SLC39A11: variants seen among roughly 807,000 people sequenced by gnomAD.
SLC39A11 encodes the protein solute carrier family 39 member 11.
In SLC39A11, 33 loss-of-function variants were observed where a neutral mutation model predicts 36.1. The ratio of observed to expected loss-of-function variants is 0.91; its 90% confidence interval spans 0.69 to 1.22. The LOEUF (loss-of-function observed/expected upper bound fraction) is 1.22. Ranked by LOEUF, SLC39A11 falls within the 50% of genes most tolerant of loss-of-function variation. The probability of loss-of-function intolerance (pLI) is 0.00; values close to 1 mark genes in which losing one functional copy is unlikely to be tolerated. For synonymous variants in SLC39A11, 166 were observed against 170.3 expected, an observed-to-expected ratio of 0.97 and a Z score of 0.20; for missense variants, 432 against 430.3, an observed-to-expected ratio of 1.00 and a Z score of -0.03.
At chr17:72,997,895 G>A (rs561323931) in intron 4 of SLC39A11, among the ~76,000 whole-genome samples, 205 of 152,244 alleles carry the variant, frequency 1.3e-3, no homozygotes, top group African/African-American at 4.7e-3. Context: ...AGTGATGCTG[G>A]GAATTTGAAT....
At chr17:72,936,864 C>G (rs2084804824) in intron 5 of SLC39A11, among the ~76,000 whole-genome samples, 1 of 152,190 alleles carries the variant, frequency 6.6e-6, no homozygotes, top group Non-Finnish European at 1.5e-5. Context: ...CAACAGGGTT[C>G]TCGCTCCTGT....
chr17:72,708,519 T>G (rs2072984753), intron 7 of SLC39A11, among the ~76,000 whole-genome samples: 1 of 152,182 alleles, frequency 6.6e-6, no homozygotes. Flanking sequence ...ATTGGTTCTG[T>G]CTCTCCAGAG....
At chr17:72,835,225 A>G (rs72847926) in intron 6 of SLC39A11, among the ~76,000 whole-genome samples, 5,814 of 152,314 alleles carry the variant, frequency 0.038, 160 homozygotes, top group Non-Finnish European at 0.061. Flanking sequence ...GAATATTACA[A>G]TGTTTTCAAA....
Position 73,037,142 on chromosome 17 carries a change from T to C in SLC39A11, c.148-5428A>G, listed in dbSNP as rs141585311. 2.0e-3 allele frequency among the ~76,000 whole-genome samples: 311 copies of C among 152,376 alleles called. 1 individual carries two copies. Among genetic ancestry groups the C allele is most frequent in the African/African-American group, 6.9e-3 (288 of 41,590 alleles). ...TCTGTTCACCTATTGAAGGACTTTT[T>C]GGTTGCTTCTGAGTTTTGTCGATTA... On this transcript the variant is annotated intron_variant, in intron 3 of 9. Coordinates refer to ENST00000255559, the MANE Select transcript of SLC39A11 (RefSeq NM_139177.4).
At chr17:72,792,095 C>T (rs944088870) in intron 6 of SLC39A11, among the ~76,000 whole-genome samples, 1 of 152,184 alleles carries the variant, frequency 6.6e-6, no homozygotes, top group Admixed American at 6.5e-5. Context: ...GTGAGGGAGA[C>T]ATCCCTCACC....
chr17:72,994,095 G>C (rs1484236959), intron 4 of SLC39A11, among the ~76,000 whole-genome samples: 1 of 152,132 alleles, frequency 6.6e-6, no homozygotes, highest in Non-Finnish European at 1.5e-5. Context: ...TGCCACGCCT[G>C]GCCTGGTTTC....
chr17:73,020,680 CTTT>C (rs71154945), intron 4 of SLC39A11, among the ~76,000 whole-genome samples: 1 of 98,890 alleles, frequency 1.0e-5, no homozygotes, highest in Admixed American at 1.4e-4. Flanking sequence ...TTGTTTCTTT[CTTT>C]TTTTTTTTTT....
intron 6 of SLC39A11, among the ~76,000 whole-genome samples, chr17:72,810,233 A>T (rs978085186): frequency 1.3e-5 from 2 of 152,172 alleles, no homozygotes; most frequent in Non-Finnish European, 1.5e-5. Context: ...CTATGACCCA[A>T]CAATTCTACC....
chr17:72,803,190 G>A (rs936639394), intron 6 of SLC39A11, among the ~76,000 whole-genome samples: 1 of 152,232 alleles, frequency 6.6e-6, no homozygotes, highest in East Asian at 1.9e-4. Context: ...CTCGCCTCCT[G>A]CCCTTGTTGT....
chr17:72,968,208 G>A (rs1176246559), intron 4 of SLC39A11, among the ~76,000 whole-genome samples: 1 of 152,184 alleles, frequency 6.6e-6, no homozygotes, highest in African/African-American at 2.4e-5. Context: ...AAAGCAGGAA[G>A]GGAAGACATC....
intron 4 of SLC39A11, among the ~76,000 whole-genome samples, chr17:73,001,839 G>A (rs1192863295): frequency 6.6e-6 from 1 of 152,182 alleles, no homozygotes; most frequent in Non-Finnish European, 1.5e-5. Context: ...GTCCTGCAGA[G>A]AGGCTGTACC....
At chr17:72,699,075 C>T (rs1448322976) in intron 7 of SLC39A11, among the ~76,000 whole-genome samples, 4 of 152,050 alleles carry the variant, frequency 2.6e-5, no homozygotes, top group Admixed American at 2.0e-4. Flanking sequence ...GTGATCTGCC[C>T]GCCTTGGCCT....
chr17:73,047,990 AATATATATATAT>A lies in SLC39A11; in HGVS notation c.148-16288_148-16277del, dbSNP rs151142811. Among the ~76,000 whole-genome samples the A allele has an allele frequency of 1.5e-3, 89 of 58,686 alleles. 2 individuals are homozygous for A. The highest frequency in any genetic ancestry group is 5.3e-3 in the East Asian group (10 of 1,882). The allele number at this position is 58,686 out of a possible 152,430, so 38.5% of individuals were successfully genotyped here. ...TCAAAAAAAAAAAAAAAAAAAAAAA[AATATATATATAT>A]ATATATATATATATATATATATATC... On this transcript the variant is annotated intron_variant, in intron 3 of 9. Coordinates refer to ENST00000255559, the MANE Select transcript of SLC39A11 (RefSeq NM_139177.4).
At chr17:72,667,998 C>A (rs2070832938) in intron 7 of SLC39A11, among the ~76,000 whole-genome samples, 2 of 152,288 alleles carry the variant, frequency 1.3e-5, no homozygotes, top group Middle Eastern at 3.4e-3. Flanking sequence ...CTCCCATATT[C>A]CTGCAGAAAC....
At chr17:73,030,154 G>A (rs1290287166) in intron 4 of SLC39A11, among the ~76,000 whole-genome samples, 1 of 152,218 alleles carries the variant, frequency 6.6e-6, no homozygotes, top group Non-Finnish European at 1.5e-5. Context: ...GATCTGACAG[G>A]AGGCGGAGCT....
chr17:72,854,137 C>T (rs2079514811), intron 5 of SLC39A11, among the ~76,000 whole-genome samples: 1 of 152,226 alleles, frequency 6.6e-6, no homozygotes, highest in African/African-American at 2.4e-5. Flanking sequence ...ACAAAAGCCC[C>T]ATGAAGTAGA....
intron 4 of SLC39A11, among the ~76,000 whole-genome samples, chr17:73,004,167 G>GAAAGAA (rs1555673975): frequency 4.8e-4 from 21 of 43,988 alleles, no homozygotes; most frequent in African/African-American, 1.6e-3. Flanking sequence ...AGGAAAAAAA[G>GAAAGAA]AAAGAAAGAA....
At chr17:73,058,958 T>TAA (rs369811634) in intron 3 of SLC39A11, among the ~76,000 whole-genome samples, 29 of 148,996 alleles carry the variant, frequency 1.9e-4, no homozygotes, top group African/African-American at 6.4e-4. Context: ...TAATAACTGT[T>TAA]AAAAAAAAAA....
intron 3 of SLC39A11, among the ~76,000 whole-genome samples, chr17:73,065,785 G>A (rs144653695): frequency 2.0e-5 from 3 of 152,294 alleles, no homozygotes; most frequent in African/African-American, 7.2e-5. Context: ...GGCTTAACTG[G>A]GGCTTCAAAT....
Sources: gnomAD v4.1 joint callset for allele counts (sites outside exome capture counted in the v4.1 genomes callset) on GRCh38, gnomAD v4.1.1 for gene constraint, MANE v1.5 for transcripts, NCBI Gene and HGNC (gene_info 2026-07-23, HGNC 2026-07-21) for gene names.